POC1B: variants seen among roughly 807,000 people sequenced by gnomAD.
POC1B encodes the protein POC1 centriolar protein homolog B.
Under a neutral mutation model 60.6 loss-of-function variants are expected in POC1B, and 44 were observed. The observed-to-expected ratio is 0.73, with a 90% CI of 0.57 to 0.93. The LOEUF (loss-of-function observed/expected upper bound fraction) is 0.93, where lower values mean the gene tolerates loss of function less well. Among genes scored for constraint, POC1B ranks in the 40% least tolerant of loss-of-function variants. The pLI is 0.00. For synonymous variants in POC1B, 180 were observed against 198.9 expected, an observed-to-expected ratio of 0.90 and a Z score of 0.80; for missense variants, 555 against 572.3, an observed-to-expected ratio of 0.97 and a Z score of 0.31.
chr12:89,501,867 C>A, intron 2 of POC1B: 2 of 1,192,986 alleles, frequency 1.7e-6, no homozygotes, highest in Non-Finnish European at 2.5e-6. Flanking sequence ...CTAAAGACAG[C>A]CAAAGAGTAC....
intron 2 of POC1B, chr12:89,522,665 T>C (rs192636409): frequency 4.0e-6 from 4 of 991,840 alleles, no homozygotes; most frequent in Admixed American, 3.4e-5. Flanking sequence ...CAGTGTGATA[T>C]ACCAAAATGA....
chr12:89,492,221 T>C (rs913044792), intron 3 of POC1B, 106 bp from the exon 4 acceptor site: 4 of 964,670 alleles, frequency 4.1e-6, no homozygotes, highest in Admixed American at 3.6e-5. Flanking sequence ...AATAAAATGG[T>C]TTAACTCTTG....
chr12:89,450,539 G>A (rs112050579), intron 10 of POC1B, among the ~76,000 whole-genome samples: 1 of 151,904 alleles, frequency 6.6e-6, no homozygotes, highest in Non-Finnish European at 1.5e-5. Flanking sequence ...ATTACCTAAG[G>A]ATCAATTTTA....
At chr12:89,469,958 C>T (rs1466996642) in intron 7 of POC1B, among the ~76,000 whole-genome samples, 1 of 152,056 alleles carries the variant, frequency 6.6e-6, no homozygotes, top group African/African-American at 2.4e-5. Flanking sequence ...GCCTCCCCCT[C>T]CTGGGTTCAA....
chr12:89,523,391 T>A (rs754673779), intron 2 of POC1B: 7 of 1,613,952 alleles, frequency 4.3e-6, no homozygotes, highest in African/African-American at 1.3e-5. Context: ...TATTCATCCA[T>A]CCAAACTTCT....
intron 2 of POC1B, among the ~76,000 whole-genome samples, chr12:89,497,899 C>A (rs557506151): frequency 1.3e-5 from 2 of 152,268 alleles, no homozygotes; most frequent in African/African-American, 4.8e-5. Context: ...GTACTTGTTT[C>A]TCCTTGCGCA....
chr12:89,454,894 C>A (rs1444692233), intron 10 of POC1B, among the ~76,000 whole-genome samples: 1 of 152,100 alleles, frequency 6.6e-6, no homozygotes, highest in Non-Finnish European at 1.5e-5. Context: ...TATTCAGAGA[C>A]ATGTATGTGT....
At chr12:89,492,671 G>A (rs946181073) in intron 3 of POC1B, among the ~76,000 whole-genome samples, 3 of 152,126 alleles carry the variant, frequency 2.0e-5, no homozygotes, top group African/African-American at 2.4e-5. Context: ...CCATACACCT[G>A]CACCTCATCC....
At chr12:89,449,067 C>A (rs1881925059) in intron 10 of POC1B, among the ~76,000 whole-genome samples, 1 of 152,184 alleles carries the variant, frequency 6.6e-6, no homozygotes, top group African/African-American at 2.4e-5. Flanking sequence ...TTAAATCATA[C>A]TGACCACAAG....
chr12:89,444,387 C>T (rs974999538), intron 10 of POC1B, among the ~76,000 whole-genome samples: 1 of 152,196 alleles, frequency 6.6e-6, no homozygotes. Context: ...TCCAGCAACA[C>T]ATCAAAAAGC....
chr12:89,429,362 C>T (rs1040668248), intron 10 of POC1B: 1 of 152,102 alleles, frequency 6.6e-6, no homozygotes, highest in Non-Finnish European at 1.5e-5. Flanking sequence ...TCTTTACATC[C>T]TGTTTGTACA....
chr12:89,432,202 G>A (rs1265193448), intron 10 of POC1B, among the ~76,000 whole-genome samples: 3 of 151,682 alleles, frequency 2.0e-5, no homozygotes, highest in Admixed American at 1.3e-4. Context: ...TGGGCAACAC[G>A]GTGAAACCCT....
intron 9 of POC1B, among the ~76,000 whole-genome samples, chr12:89,463,668 C>T (rs902124439): frequency 2.0e-5 from 3 of 152,130 alleles, no homozygotes; most frequent in Admixed American, 6.5e-5. Context: ...AGGAGTACTA[C>T]GAAGGATCTG....
intron 4 of POC1B, chr12:89,485,170 T>C (rs543932184): frequency 6.6e-6 from 1 of 152,260 alleles, no homozygotes; most frequent in Non-Finnish European, 1.5e-5. Flanking sequence ...CCTTCAGGTA[T>C]AGAGTGAAAA....
rs78731644 is a variant in POC1B at position 89,476,393 on chromosome 12, A to G, written c.453-4118T>C. 5.1e-3 allele frequency among the ~76,000 whole-genome samples: 782 copies of G among 152,318 alleles called. 10 individuals carry two copies. The highest frequency in any genetic ancestry group is 0.018 in the African/African-American group (733 of 41,564). On this transcript the variant is annotated intron_variant, in intron 4 of 11. Coordinates refer to ENST00000313546, the MANE Select transcript of POC1B (RefSeq NM_172240.3). ...GTTCATTACAGAACCAAAAACGTCC[A>G]TGAACCATGAAAAGTCTTAAAGTGC...
chr12:89,438,408 G>A (rs993958834), intron 10 of POC1B, among the ~76,000 whole-genome samples: 2 of 152,188 alleles, frequency 1.3e-5, no homozygotes, highest in Non-Finnish European at 2.9e-5. Flanking sequence ...AGTGAGCCGT[G>A]ATAGCGCCAC....
At chr12:89,419,206 A>G (rs1880427866), downstream of POC1B, among the ~76,000 whole-genome samples, 2 of 152,038 alleles carry the variant, frequency 1.3e-5, no homozygotes, top group African/African-American at 4.8e-5. Context: ...GGACCTATCT[A>G]GAGATGCCTG....
intron 2 of POC1B, chr12:89,501,054 G>A (rs1270619849): frequency 6.5e-6 from 7 of 1,077,958 alleles, no homozygotes; most frequent in African/African-American, 6.2e-5. Flanking sequence ...TAGATCTTGG[G>A]ATTACTATAC....
intron 10 of POC1B, among the ~76,000 whole-genome samples, chr12:89,440,676 A>T (rs1441804495): frequency 6.6e-6 from 1 of 152,228 alleles, no homozygotes; most frequent in Admixed American, 6.5e-5. Flanking sequence ...CCAAATAGGA[A>T]CAGCTCCAGT....
Sources: gnomAD v4.1 joint callset for allele counts (sites outside exome capture counted in the v4.1 genomes callset) on GRCh38, gnomAD v4.1.1 for gene constraint, MANE v1.5 for transcripts, NCBI Gene and HGNC (gene_info 2026-07-23, HGNC 2026-07-21) for gene names.